Variants in LARGE1 observed in about 807,000 individuals in gnomAD.
LARGE1 encodes LARGE xylosyl- and glucuronyltransferase 1, also known as xylosyl- and glucuronyltransferase LARGE1.
Under a neutral mutation model 87.6 loss-of-function variants are expected in LARGE1, and 43 were observed. That is an observed-to-expected ratio of 0.49 (90% confidence interval 0.38 to 0.63). The LOEUF (loss-of-function observed/expected upper bound fraction) is 0.63, where lower values mean the gene tolerates loss of function less well. Ranked by LOEUF, LARGE1 falls within the 30% of genes least tolerant of loss-of-function variation. The pLI is 0.00. For synonymous variants in LARGE1, 434 were observed against 394.6 expected (o/e 1.10, Z -1.18); for missense variants, 802 against 1,000.2 (o/e 0.80, Z 2.67).
chr22:33,487,712 T>C (rs1346543454), intron 6 of LARGE1, among the ~76,000 whole-genome samples: 1 of 152,060 alleles, frequency 6.6e-6, no homozygotes, highest in Non-Finnish European at 1.5e-5. Flanking sequence ...ATCTAGAAAA[T>C]AAGACTGCTT....
chr22:33,185,649 T>A (rs888202799), intron 11 of LARGE1, among the ~76,000 whole-genome samples: 1 of 152,072 alleles, frequency 6.6e-6, no homozygotes, highest in African/African-American at 2.4e-5. Context: ...TGTGCGTGTG[T>A]GAGGAAGGGG....
At chr22:33,891,289 C>G (rs1162855974) in intron 1 of LARGE1, among the ~76,000 whole-genome samples, 1 of 152,188 alleles carries the variant, frequency 6.6e-6, no homozygotes, top group Non-Finnish European at 1.5e-5. Flanking sequence ...ATGAATTAGT[C>G]CAGAAATTCA....
At chr22:33,678,668 C>T (rs2081652541) in intron 2 of LARGE1, among the ~76,000 whole-genome samples, 1 of 152,246 alleles carries the variant, frequency 6.6e-6, no homozygotes, top group Admixed American at 6.5e-5. Flanking sequence ...TGACCCAGAT[C>T]TCTCAGCATT....
chr22:33,902,609 C>T (rs181853485), intron 1 of LARGE1, among the ~76,000 whole-genome samples: 1 of 152,336 alleles, frequency 6.6e-6, no homozygotes, highest in East Asian at 1.9e-4. Flanking sequence ...ATAAACTCTA[C>T]ATCAAACTTA....
chr22:33,293,303 T>G (rs976576664), intron 12 of LARGE1, among the ~76,000 whole-genome samples: 1 of 152,212 alleles, frequency 6.6e-6, no homozygotes, highest in Non-Finnish European at 1.5e-5. Context: ...GCTAAGTGCT[T>G]TATATGCATT....
Position 33,283,269 on chromosome 22 carries a change from G to A in LARGE1, c.1810C>T (p.Leu604=). The change falls in exon 13 of 15, where the codon CTG becomes TTG. Residue 604 remains leucine (L), a synonymous_variant. Transcript: ENST00000397394. The stretch of plus-strand genomic sequence containing the variant: ...TCCGCTTTTGACTTGGGGAAGGACA[G>A]CCGGTAGCGCAGTGTCTCGAACGCG... ...VPAFETLRYR[L]SFPKSKAELL... The A allele has an allele frequency of 6.2e-7, 1 of 1,614,196 alleles. No homozygotes were observed. Among genetic ancestry groups the A allele is most frequent in the Non-Finnish European group, 8.5e-7 (1 of 1,180,030 alleles).
At chr22:33,696,950 T>C (rs1306137670) in intron 2 of LARGE1, among the ~76,000 whole-genome samples, 1 of 152,140 alleles carries the variant, frequency 6.6e-6, no homozygotes, top group Non-Finnish European at 1.5e-5. Context: ...TCCTCTCTCA[T>C]TTACAATAGG....
At chr22:33,385,774 C>T (rs1263752379) in intron 7 of LARGE1, among the ~76,000 whole-genome samples, 1 of 147,784 alleles carries the variant, frequency 6.8e-6, no homozygotes, top group Non-Finnish European at 1.5e-5. Context: ...AACTGTAGCA[C>T]CCAGAGGCCC....
At chr22:33,360,226 C>G (rs2064335424) in intron 9 of LARGE1, among the ~76,000 whole-genome samples, 1 of 149,134 alleles carries the variant, frequency 6.7e-6, no homozygotes, top group Non-Finnish European at 1.5e-5. Flanking sequence ...GGCAGGAGAA[C>G]TGCTTGAACC....
At chr22:33,208,259 G>T (rs1043362542) in intron 11 of LARGE1, among the ~76,000 whole-genome samples, 3 of 152,168 alleles carry the variant, frequency 2.0e-5, no homozygotes, top group African/African-American at 7.2e-5. Flanking sequence ...AAATCGTATA[G>T]GCCACATAGA....
At chr22:33,071,861 G>A in the LARGE1 span, among the ~76,000 whole-genome samples, 15 of 152,240 alleles carry the variant, frequency 9.9e-5, 1 homozygote, top group South Asian at 1.7e-3. Context: ...TTGGCCTGCC[G>A]AGATCAAGGC....
intron 5 of LARGE1, among the ~76,000 whole-genome samples, chr22:33,584,397 C>T (rs2078608369): frequency 6.6e-6 from 1 of 152,156 alleles, no homozygotes; most frequent in Admixed American, 6.5e-5. Flanking sequence ...TCAGGGTTCC[C>T]CTTTTTCTGT....
At chr22:33,670,216 A>T (rs931919072) in intron 2 of LARGE1, among the ~76,000 whole-genome samples, 5 of 152,118 alleles carry the variant, frequency 3.3e-5, no homozygotes, top group African/African-American at 1.2e-4. Flanking sequence ...GTCACTACAG[A>T]GTCCCTTTCC....
intron 6 of LARGE1, among the ~76,000 whole-genome samples, chr22:33,449,283 C>A (rs1395023179): frequency 6.6e-6 from 1 of 152,050 alleles, no homozygotes; most frequent in East Asian, 1.9e-4. Flanking sequence ...TAGAGAAGAC[C>A]AAGGCAGAGT....
chr22:33,433,118 A>C (rs1311850358), intron 6 of LARGE1, among the ~76,000 whole-genome samples: 1 of 152,146 alleles, frequency 6.6e-6, no homozygotes, highest in Non-Finnish European at 1.5e-5. Context: ...TATTACCAAT[A>C]CCATTTCACA....
In LARGE1 at chr22:33,455,481, T is replaced by C. The variant is rs193069334; in HGVS notation, c.788-23216A>G. Among the ~76,000 whole-genome samples, 16 of 152,070 alleles carry C rather than the reference T, an allele frequency of 1.1e-4. No homozygotes were observed. In the East Asian group the frequency reaches 2.9e-3, roughly 28 times the overall value. On this transcript the variant is annotated intron_variant, in intron 6 of 14. Coordinates refer to ENST00000397394, the MANE Select transcript of LARGE1 (RefSeq NM_133642.5). ...AGACCATGGTGAGCTGCTAAAAAAA[T>C]TGCTATTGTGCCTGTAATCCCAGCA...
At chr22:33,197,956 C>T (rs144219137) in intron 11 of LARGE1, among the ~76,000 whole-genome samples, 107 of 152,154 alleles carry the variant, frequency 7.0e-4, no homozygotes, top group African/African-American at 2.4e-3. Context: ...CAGAAACAGA[C>T]CCACTAAAAT....
chr22:33,181,844 TTTTTTA>T (rs1923187383), intron 11 of LARGE1, among the ~76,000 whole-genome samples: 1 of 137,438 alleles, frequency 7.3e-6, no homozygotes, highest in Non-Finnish European at 1.6e-5. Context: ...TTTTTTTTTT[TTTTTTA>T]CATGGAGTCT....
chr22:33,535,699 T>C (rs2077022918), intron 6 of LARGE1, among the ~76,000 whole-genome samples: 1 of 152,164 alleles, frequency 6.6e-6, no homozygotes, highest in Non-Finnish European at 1.5e-5. Context: ...ATCCATTCCA[T>C]GTGGCATTTG....
Sources: gnomAD v4.1 joint callset for allele counts (sites outside exome capture counted in the v4.1 genomes callset) on GRCh38, gnomAD v4.1.1 for gene constraint, MANE v1.5 for transcripts, NCBI Gene and HGNC (gene_info 2026-07-23, HGNC 2026-07-21) for gene names.